The following BUB1B variants were observed in gnomAD, a reference collection of about 807,000 sequenced individuals.
The protein encoded by BUB1B is mitotic checkpoint serine/threonine-protein kinase BUB1 beta.
BUB1B carries 86 observed loss-of-function variants against 137.7 expected under a neutral mutation model. The ratio of observed to expected loss-of-function variants is 0.62; its 90% CI spans 0.52 to 0.75. The LOEUF (loss-of-function observed/expected upper bound fraction) is 0.75. BUB1B is among the 30% of genes least tolerant of loss of function. BUB1B has a pLI of 0.00. For synonymous variants in BUB1B, 420 were observed against 417.9 expected (o/e 1.00, Z -0.06); for missense variants, 1,130 against 1,236.9 (o/e 0.91, Z 1.30).
At position 40,220,842 on chromosome 15, in the gene BUB1B, A is replaced by C; in HGVS notation, c.*83A>C. 2.1e-6 allele frequency: 3 copies of C among 1,417,984 alleles called. No homozygotes were observed. 87.8% of individuals were successfully genotyped at this position (1,417,984 alleles called of 1,614,324 possible). ...ACTGAAACTGTATGTGCTGTAATTT[A>C]ATTTAGGACACATTTAGATGCACTA... On this transcript the variant is annotated 3_prime_UTR_variant, in exon 23 of 23. Coordinates refer to ENST00000287598, the MANE Select transcript of BUB1B (RefSeq NM_001211.6).
chr15:40,169,935 C>T, intron 2 of BUB1B, 127 bp from the exon 3 acceptor site: 1 of 855,842 alleles, frequency 1.2e-6, no homozygotes, highest in Non-Finnish European at 2.0e-6. Flanking sequence ...ATAACAAACC[C>T]ATAAACTCTA....
At chr15:40,169,558 A>G (rs1006678917) in intron 2 of BUB1B, among the ~76,000 whole-genome samples, 12 of 149,326 alleles carry the variant, frequency 8.0e-5, no homozygotes, top group African/African-American at 3.0e-4. Context: ...TCTAATTTCT[A>G]TATATTTTCT....
intron 5 of BUB1B, among the ~76,000 whole-genome samples, chr15:40,177,232 G>T (rs1370142573): frequency 6.6e-6 from 1 of 152,148 alleles, no homozygotes; most frequent in Admixed American, 6.5e-5. Context: ...TAATTTTAAA[G>T]AAGTCTAATT....
intron 15 of BUB1B, among the ~76,000 whole-genome samples, chr15:40,207,124 T>C (rs533591887): frequency 3.9e-5 from 6 of 152,338 alleles, no homozygotes; most frequent in Admixed American, 3.9e-4. Context: ...TATGTGAATT[T>C]TAAATAGGCA....
At chr15:40,173,735 A>G (rs1251606326) in intron 4 of BUB1B, among the ~76,000 whole-genome samples, 1 of 152,224 alleles carries the variant, frequency 6.6e-6, no homozygotes, top group Non-Finnish European at 1.5e-5. Context: ...ACAACCATCA[A>G]ATTCAAATGA....
At position 40,206,241 on chromosome 15, in the gene BUB1B, A is replaced by G; in HGVS notation, c.1792A>G (p.Asn598Asp). Residue 598 changes from asparagine to aspartate, a missense_variant, in exon 15 of 23, where the codon AAT becomes GAT. By Grantham distance (23) the Asn-to-Asp change is conservative. Coordinates refer to ENST00000287598, the MANE Select transcript of BUB1B (RefSeq NM_001211.6). The part of the protein sequence containing the change: ...SEDAIITGFR[N>D]VTICPNPEDT... ...GGATGCCATTATCACAGGCTTCAGA[A>G]ATGTAACAATTTGTCCTAACCCAGA... 1 of 1,614,200 alleles carries G rather than the reference A, an allele frequency of 6.2e-7. No homozygotes were observed. Among genetic ancestry groups the G allele is most frequent in the South Asian group, 1.1e-5 (1 of 91,086 alleles).
In BUB1B at chr15:40,202,470, GTTGTTTTT is replaced by G. The variant is rs755262880; in HGVS notation, c.1628+17_1628+24del. 1.4e-5 allele frequency: 22 copies of G among 1,610,804 alleles called. No individual in the cohort carries two copies. In the Middle Eastern group the frequency reaches 8.3e-4, roughly 61 times the overall value. On this transcript the variant is annotated splice_donor_region_variant and intron_variant, in intron 13 of 22. Coordinates refer to ENST00000287598, the MANE Select transcript of BUB1B (RefSeq NM_001211.6). ...TTCAGAAAAGAAGAATAAAAGGTAC[GTTGTTTTT>G]TTGTTTTTTTGGTTTTTTTTTACTT...
rs1446063325 is a variant in BUB1B at position 40,170,590 on chromosome 15, T to C, written c.293T>C (p.Met98Thr). The C allele has an allele frequency of 1.2e-6, 2 of 1,613,148 alleles. No individual in the cohort carries two copies. Among genetic ancestry groups the C allele is most frequent in the Admixed American group, 1.7e-5 (1 of 60,024 alleles). Residue 98 changes from methionine to threonine, a missense_variant, in exon 4 of 23, where the codon ATG (methionine) becomes ACG (threonine). Transcript: ENST00000287598. The stretch of plus-strand genomic sequence containing the variant: ...CCTCAAGGTGGGAAGGAGAGTAATA[T>C]GTCAACGTTATTAGAAAGAGCTGTA... Reference protein sequence around the residue: ...NYPQGGKESNMSTLLERAVEA... With the variant: ...NYPQGGKESNTSTLLERAVEA...
At chr15:40,202,902 C>T (rs558719818) in intron 14 of BUB1B, among the ~76,000 whole-genome samples, 9 of 152,292 alleles carry the variant, frequency 5.9e-5, no homozygotes, top group Middle Eastern at 6.8e-3. Flanking sequence ...TAAAAAATTA[C>T]GCACAGTAAC....
intron 2 of BUB1B, among the ~76,000 whole-genome samples, chr15:40,167,778 A>ATT (rs35026977): frequency 1.2e-4 from 18 of 148,038 alleles, no homozygotes; most frequent in East Asian, 4.0e-4. Flanking sequence ...CATTTGTTAG[A>ATT]TTTTTTTTTT....
At position 40,202,709 on chromosome 15, in the gene BUB1B, C is replaced by G. The variant is rs1298361756; in HGVS notation, c.1734+15C>G. 1 of 1,597,798 alleles carries G rather than the reference C, an allele frequency of 6.3e-7. No homozygotes were observed. The highest frequency in any genetic ancestry group is 1.3e-5 in the African/African-American group (1 of 74,448). ...CAGATGTTTGTGTAAGGAGCAGTATCCTTAAGTTAATGTAAATGGGCTAGT... is the reference window on the plus strand; with the variant it reads ...CAGATGTTTGTGTAAGGAGCAGTATGCTTAAGTTAATGTAAATGGGCTAGT... On this transcript the variant is annotated intron_variant, in intron 14 of 22. Coordinates refer to ENST00000287598, the MANE Select transcript of BUB1B (RefSeq NM_001211.6).
chr15:40,220,358 T>C (rs1220227446), intron 22 of BUB1B, among the ~76,000 whole-genome samples: 1 of 152,188 alleles, frequency 6.6e-6, no homozygotes, highest in Admixed American at 6.5e-5. Flanking sequence ...TTATGTGCAT[T>C]GTATCTTGGC....
rs770262148 is a variant in BUB1B at position 40,185,628 on chromosome 15, AC to A, written c.1045del (p.Arg349AspfsTer5). 1.2e-6 allele frequency: 2 copies of A among 1,613,914 alleles called. No individual in the cohort carries two copies. The highest frequency in any genetic ancestry group is 4.5e-5 in the East Asian group (2 of 44,882). On this transcript the variant is annotated frameshift_variant, in exon 8 of 23. Coordinates refer to ENST00000287598, the MANE Select transcript of BUB1B (RefSeq NM_001211.6). LOFTEE classifies it high-confidence loss of function. ...TCACTCCATATGTGGAAGAGACTGCACGACAGCCAGTTATGTGAGTGTGGTT... is the reference window on the plus strand; with the variant it reads ...TCACTCCATATGTGGAAGAGACTGCAGACAGCCAGTTATGTGAGTGTGGTT... ...SFTPYVEETA[R>X]QPVMTPCKIE...
At chr15:40,187,734 C>A (rs1055621502) in intron 8 of BUB1B, among the ~76,000 whole-genome samples, 2 of 151,844 alleles carry the variant, frequency 1.3e-5, no homozygotes, top group African/African-American at 4.8e-5. Context: ...CACAGGGAGA[C>A]CCTGTCTCCA....
intron 12 of BUB1B, 85 bp from the exon 13 acceptor site, chr15:40,202,320 C>A: frequency 8.2e-7 from 1 of 1,222,678 alleles, no homozygotes; most frequent in Non-Finnish European, 1.2e-6. Context: ...TTTCAAACAA[C>A]ACAAAATATT....
intron 9 of BUB1B, 34 bp from the exon 10 acceptor site, chr15:40,199,581 G>C: frequency 6.4e-7 from 1 of 1,563,320 alleles, no homozygotes. Context: ...GTTACTATGA[G>C]GAATAATACC....
Position 40,206,419 on chromosome 15 carries a change from GC to G in BUB1B, c.1971del (p.Thr658LeufsTer12). On this transcript the variant is annotated frameshift_variant, in exon 15 of 23. Transcript: ENST00000287598. LOFTEE classifies it high-confidence loss of function. ...TCTGAGGACCAGCAGACAGCTTGTGGCACTATCTACAGTCAGACTCTCAGCA... is the reference window on the plus strand; with the variant it reads ...TCTGAGGACCAGCAGACAGCTTGTGGACTATCTACAGTCAGACTCTCAGCA... ...KTSEDQQTAC[G>X]TIYSQTLSIK... The G allele has an allele frequency of 6.2e-7, 1 of 1,614,184 alleles. No homozygotes were observed. Among genetic ancestry groups the G allele is most frequent in the Non-Finnish European group, 8.5e-7 (1 of 1,180,034 alleles).
At chr15:40,192,423 G>A (rs1566822627) in intron 8 of BUB1B, among the ~76,000 whole-genome samples, 2 of 151,984 alleles carry the variant, frequency 1.3e-5, no homozygotes, top group Admixed American at 6.5e-5. Flanking sequence ...GTTTACATTA[G>A]GATTCACTCT....
At chr15:40,188,623 C>T (rs1481552720) in intron 8 of BUB1B, among the ~76,000 whole-genome samples, 1 of 143,232 alleles carries the variant, frequency 7.0e-6, no homozygotes, top group African/African-American at 2.6e-5. Flanking sequence ...TGCTCTGTTA[C>T]CCAGGCTGGA....
Sources: allele counts gnomAD v4.1 joint callset (sites outside exome capture counted in the v4.1 genomes callset), GRCh38; gene constraint gnomAD v4.1.1; transcripts MANE v1.5; gene names NCBI Gene and HGNC (gene_info 2026-07-23, HGNC 2026-07-21).